COLGALT2: variants seen among roughly 807,000 people sequenced by gnomAD.
COLGALT2 encodes the protein collagen beta(1-O)galactosyltransferase 2.
A neutral mutation model predicts 73.4 loss-of-function variants in COLGALT2; 49 were observed. The observed-to-expected ratio is 0.67, with a 90% CI of 0.53 to 0.85. The LOEUF (loss-of-function observed/expected upper bound fraction) is 0.85, where lower values mean the gene tolerates loss of function less well. Among genes scored for constraint, COLGALT2 ranks in the 40% least tolerant of loss-of-function variants. COLGALT2 has a pLI of 0.00. For missense variants in COLGALT2, 722 were observed against 790.2 expected, an observed-to-expected ratio of 0.91 and a Z score of 1.03; for synonymous variants, 295 against 307.6, an observed-to-expected ratio of 0.96 and a Z score of 0.43.
Position 183,944,191 on chromosome 1 carries a change from C to T in COLGALT2, c.1397+5G>A. The T allele has an allele frequency of 1.2e-6, 2 of 1,608,222 alleles. No homozygotes were observed. Among genetic ancestry groups the T allele is most frequent in the Non-Finnish European group, 1.7e-6 (2 of 1,177,846 alleles). On this transcript the variant is annotated splice_donor_5th_base_variant and intron_variant, in intron 10 of 11. Coordinates refer to ENST00000361927, the MANE Select transcript of COLGALT2 (RefSeq NM_015101.4). ...GCCCTCTCGTAAGATCATCTTGTCA[C>T]TCACATCAGTTCCCAGTCCAGCTGA...
At chr1:184,007,498 T>C (rs892219634) in intron 1 of COLGALT2, among the ~76,000 whole-genome samples, 1 of 152,216 alleles carries the variant, frequency 6.6e-6, no homozygotes, top group Non-Finnish European at 1.5e-5. Flanking sequence ...TATCATATTT[T>C]AAAATATGAG....
At chr1:184,011,327 G>C (rs1470398853) in intron 1 of COLGALT2, among the ~76,000 whole-genome samples, 3 of 152,152 alleles carry the variant, frequency 2.0e-5, no homozygotes, top group Non-Finnish European at 2.9e-5. Context: ...TTTCATTTCA[G>C]GGCCATTCTC....
intron 1 of COLGALT2, among the ~76,000 whole-genome samples, chr1:184,023,014 T>A (rs535767644): frequency 3.3e-4 from 50 of 152,292 alleles, no homozygotes; most frequent in African/African-American, 1.1e-3. Flanking sequence ...AAGAGCAGTA[T>A]TTTCTCGAGA....
intron 1 of COLGALT2, among the ~76,000 whole-genome samples, chr1:184,000,436 A>T (rs964757636): frequency 6.6e-6 from 1 of 151,986 alleles, no homozygotes; most frequent in African/African-American, 2.4e-5. Flanking sequence ...TTTAATAAAA[A>T]TGTTACCCTC....
chr1:183,979,123 T>C (rs1211078679), intron 1 of COLGALT2, among the ~76,000 whole-genome samples: 2 of 152,196 alleles, frequency 1.3e-5, no homozygotes, highest in East Asian at 3.8e-4. Flanking sequence ...TAGAGTATTT[T>C]CCAAAGCCTT....
intron 7 of COLGALT2, 71 bp from the exon 8 acceptor site, chr1:183,951,184 T>A (rs1184540125): frequency 9.0e-7 from 1 of 1,114,122 alleles, no homozygotes; most frequent in African/African-American, 1.5e-5. Context: ...TTGAAAAGTT[T>A]AGTAAATGTT....
At chr1:183,945,614 C>G (rs1295563236) in intron 8 of COLGALT2, 50 bp from the exon 9 acceptor site, 1 of 1,605,624 alleles carries the variant, frequency 6.2e-7, no homozygotes, top group South Asian at 1.1e-5. Flanking sequence ...AGGTCCCCAC[C>G]ACAAAGGCCA....
At position 183,973,652 on chromosome 1, in the gene COLGALT2, GC is replaced by G; in HGVS notation, c.590del (p.Gly197AlafsTer44). On this transcript the variant is annotated frameshift_variant, in exon 4 of 12. Coordinates refer to ENST00000361927, the MANE Select transcript of COLGALT2 (RefSeq NM_015101.4). LOFTEE classifies it high-confidence loss of function. Reference protein sequence around the residue: ...TIVAPMLESRGLYSNFWCGIT... With the variant: ...TIVAPMLESRXLYSNFWCGIT... ...TTCCGCACCAGAAATTAGAATACAG[GC>G]CCCGAGACTCCAGCATGGGGGCCAC... The G allele has an allele frequency of 6.2e-7, 1 of 1,613,968 alleles. No homozygotes were observed. The highest frequency in any genetic ancestry group is 8.5e-7 in the Non-Finnish European group (1 of 1,179,964).
intron 10 of COLGALT2, among the ~76,000 whole-genome samples, chr1:183,943,172 G>A (rs928606090): frequency 5.9e-5 from 9 of 152,202 alleles, no homozygotes; most frequent in South Asian, 4.1e-4. Flanking sequence ...ACACAGTGAC[G>A]CATTAGTTGA....
At chr1:183,934,722 T>A (rs918093075), downstream of COLGALT2, among the ~76,000 whole-genome samples, 3 of 152,178 alleles carry the variant, frequency 2.0e-5, no homozygotes, top group African/African-American at 7.2e-5. Flanking sequence ...GGAAGACACA[T>A]CTTTATTTTA....
At chr1:183,987,264 C>A (rs571053173) in intron 1 of COLGALT2, among the ~76,000 whole-genome samples, 3 of 152,248 alleles carry the variant, frequency 2.0e-5, no homozygotes, top group Admixed American at 6.5e-5. Context: ...TTCTTCCCAC[C>A]TTTTTCACCC....
Position 183,937,084 on chromosome 1 carries a change from T to G in COLGALT2, c.*1677A>C, listed in dbSNP as rs1384955712. On this transcript the variant is annotated 3_prime_UTR_variant, in exon 12 of 12. Transcript: ENST00000361927. Reference sequence around the variant, plus strand: ...ATGGGCAGTGAACTGAAGAATTAGGTGTCTGGCTTAAAGTGTATCTTACAC... The same window carrying G: ...ATGGGCAGTGAACTGAAGAATTAGGGGTCTGGCTTAAAGTGTATCTTACAC... 8.1e-7 allele frequency: 1 copy of G among 1,231,154 alleles called. No homozygotes were observed. Among genetic ancestry groups the G allele is most frequent in the African/African-American group, 1.6e-5 (1 of 64,388 alleles). The allele number at this position is 1,231,154 out of a possible 1,614,324, so 76.3% of individuals were successfully genotyped here.
At chr1:183,997,833 T>C (rs533109860) in intron 1 of COLGALT2, among the ~76,000 whole-genome samples, 6 of 152,384 alleles carry the variant, frequency 3.9e-5, no homozygotes, top group Admixed American at 2.6e-4. Context: ...TTGATACTTT[T>C]ATCTGTAGTT....
chr1:183,994,885 A>T (rs1671730976), intron 1 of COLGALT2, among the ~76,000 whole-genome samples: 1 of 152,234 alleles, frequency 6.6e-6, no homozygotes, highest in Non-Finnish European at 1.5e-5. Flanking sequence ...CAGATTTTTT[A>T]AAAATAGAAA....
intron 11 of COLGALT2, 70 bp downstream of exon 11, chr1:183,940,511 C>T: frequency 7.5e-7 from 1 of 1,338,598 alleles, no homozygotes; most frequent in Non-Finnish European, 1.1e-6. Flanking sequence ...TCAAGTACTA[C>T]CAGAAATGGA....
chr1:183,976,965 T>G lies in COLGALT2; in HGVS notation c.374+1445A>C, dbSNP rs1484146362. Among the ~76,000 whole-genome samples the G allele has an allele frequency of 2.6e-5, 4 of 152,214 alleles. No homozygotes were observed. In the East Asian group the frequency reaches 5.8e-4, roughly 22 times the overall value. ...CAAGCAACAGTGTGGGGTTTGGAAA[T>G]AAAAGAAACGTTCTGGATAAAGCAC... On this transcript the variant is annotated intron_variant, in intron 2 of 11. Transcript: ENST00000361927.
Position 184,037,202 on chromosome 1 carries a change from G to C in COLGALT2, c.156C>G (p.Ser52Arg). 1 of 1,604,436 alleles carries C rather than the reference G, an allele frequency of 6.2e-7. No homozygotes were observed. The highest frequency in any genetic ancestry group is 1.1e-5 in the South Asian group (1 of 89,972). ...PVVFPESPLQ[S>R]PTVLVAVLAR... ...CGAGGACCGCCACGAGCACCGTGGG[G>C]CTCTGCAGGGGCGACTCCGGGAAAA... The change falls in exon 1 of 12, where the codon AGC becomes AGG. Residue 52 changes from serine to arginine, a missense_variant. Physicochemically the swap from Ser to Arg is moderately radical, Grantham distance 110. Coordinates refer to ENST00000361927, the MANE Select transcript of COLGALT2 (RefSeq NM_015101.4).
At chr1:183,986,955 C>T (rs950933398) in intron 1 of COLGALT2, among the ~76,000 whole-genome samples, 2 of 152,138 alleles carry the variant, frequency 1.3e-5, no homozygotes, top group Non-Finnish European at 2.9e-5. Context: ...GACCAGGAAA[C>T]ACCTGTCAAA....
intron 1 of COLGALT2, among the ~76,000 whole-genome samples, chr1:183,996,582 CTCTGT>C (rs1486180347): frequency 1.3e-5 from 2 of 152,218 alleles, no homozygotes; most frequent in African/African-American, 4.8e-5. Context: ...TTCCTGCAGG[CTCTGT>C]TAAGTTCCCC....
Sources: gnomAD v4.1 joint callset for allele counts (sites outside exome capture counted in the v4.1 genomes callset) on GRCh38, gnomAD v4.1.1 for gene constraint, MANE v1.5 for transcripts, NCBI Gene and HGNC (gene_info 2026-07-23, HGNC 2026-07-21) for gene names.